LRP11: variants seen among roughly 807,000 people sequenced by gnomAD.
The protein encoded by LRP11 is LDL receptor related protein 11.
In LRP11, 25 loss-of-function variants were observed where a neutral mutation model predicts 43.1. The ratio of observed to expected loss-of-function variants is 0.58; its 90% CI spans 0.42 to 0.81. LRP11 has a LOEUF of 0.81. Ranked by LOEUF, LRP11 falls within the 30% of genes least tolerant of loss-of-function variation. The pLI is 0.00. For synonymous variants in LRP11, 316 were observed against 299.4 expected (o/e 1.06, Z -0.57); for missense variants, 623 against 665.1 (o/e 0.94, Z 0.70).
intron 2 of LRP11, among the ~76,000 whole-genome samples, chr6:149,845,308 C>G (rs1776615707): frequency 6.6e-6 from 1 of 152,196 alleles, no homozygotes; most frequent in Non-Finnish European, 1.5e-5. Context: ...CACAATGACT[C>G]TTTACAGACA....
At position 149,863,586 on chromosome 6, in the gene LRP11, C is replaced by T. The variant is rs187967019; in HGVS notation, c.435G>A (p.Val145=). ...GGGGCGCGGGGCGCCGGGGCAGCTC[C>T]ACCACGGCCACGGAGCAGCGCGGCT... ...CSEPRCSVAV[V]ELPRRPAPPA... Residue 145 remains valine (V), a synonymous_variant, in exon 1 of 7, where the codon GTG becomes GTA. Transcript: ENST00000239367. 0.038 allele frequency: 54,208 copies of T among 1,422,516 alleles called. 1,226 individuals carry two copies. Among genetic ancestry groups the T allele is most frequent in the Non-Finnish European group, 0.042 (45,440 of 1,093,198 alleles). The allele number at this position is 1,422,516 out of a possible 1,614,324, so 88.1% of individuals were successfully genotyped here.
At position 149,819,300 on chromosome 6, in the gene LRP11, C is replaced by T. The variant is rs1400799112; in HGVS notation, c.*1249G>A. 1 of 151,750 alleles carries T rather than the reference C, an allele frequency of 6.6e-6. No homozygotes were observed. Among genetic ancestry groups the T allele is most frequent in the African/African-American group, 2.4e-5 (1 of 41,284 alleles). The allele number at this position is 151,750 out of a possible 1,614,324, so 9.4% of individuals were successfully genotyped here. ...TTTTCAAATATTTTAAAATATTTGC[C>T]ACTTATGGTTAAAAAAAACGTGAAT... is the stretch of plus-strand genomic sequence containing the variant. On this transcript the variant is annotated 3_prime_UTR_variant, in exon 7 of 7. Transcript: ENST00000239367.
At chr6:149,860,987 C>T (rs749923611) in intron 1 of LRP11, among the ~76,000 whole-genome samples, 1 of 152,202 alleles carries the variant, frequency 6.6e-6, no homozygotes, top group African/African-American at 2.4e-5. Context: ...CAGCACCTAA[C>T]ACCAAAGTCA....
At chr6:149,857,606 CAAAT>C (rs538385989) in intron 1 of LRP11, among the ~76,000 whole-genome samples, 305 of 151,764 alleles carry the variant, frequency 2.0e-3, no homozygotes, top group Non-Finnish European at 3.3e-3. Flanking sequence ...GCAAAACTAA[CAAAT>C]AAGCCACAAG....
chr6:149,841,487 C>T (rs1776546482), intron 3 of LRP11, among the ~76,000 whole-genome samples: 1 of 152,182 alleles, frequency 6.6e-6, no homozygotes, highest in African/African-American at 2.4e-5. Context: ...TGTACAAGAC[C>T]TTAGCACCTC....
At chr6:149,832,180 A>G (rs974262195) in intron 5 of LRP11, among the ~76,000 whole-genome samples, 1 of 148,804 alleles carries the variant, frequency 6.7e-6, no homozygotes, top group Non-Finnish European at 1.5e-5. Flanking sequence ...CAAGTCTTCC[A>G]TGAGCTAAGT....
chr6:149,839,051 G>GT (rs1354326315), intron 3 of LRP11, among the ~76,000 whole-genome samples: 95 of 145,448 alleles, frequency 6.5e-4, no homozygotes, highest in Admixed American at 1.5e-3. Flanking sequence ...CATACACTTG[G>GT]TTTTTTTTTG....
chr6:149,851,152 T>C (rs918248662), intron 2 of LRP11, among the ~76,000 whole-genome samples: 3 of 152,228 alleles, frequency 2.0e-5, no homozygotes, highest in Non-Finnish European at 4.4e-5. Context: ...CTGCCGTCAC[T>C]GTTATACACG....
intron 5 of LRP11, among the ~76,000 whole-genome samples, 170 bp from the exon 6 acceptor site, chr6:149,826,529 T>G (rs28527452): frequency 6.6e-6 from 1 of 151,406 alleles, no homozygotes; most frequent in Non-Finnish European, 1.5e-5. Context: ...ATAACTAAGG[T>G]GACCCACTGA....
intron 1 of LRP11, among the ~76,000 whole-genome samples, chr6:149,859,397 T>TATATATATATATA (rs1491456220): frequency 2.6e-4 from 19 of 72,970 alleles, no homozygotes; most frequent in African/African-American, 1.4e-3. Context: ...TATATATATA[T>TATATATATATATA]TTTTTTTTTT....
At chr6:149,842,795 G>T in intron 3 of LRP11, 188 bp downstream of exon 3, 1 of 1,230,366 alleles carries the variant, frequency 8.1e-7, no homozygotes, top group Non-Finnish European at 1.1e-6. Context: ...CAACCCAGTA[G>T]CATCGGCTAA....
At chr6:149,859,394 A>ATTTTTTTTTTTTTTTTTT (rs1194880373) in intron 1 of LRP11, among the ~76,000 whole-genome samples, 3 of 73,874 alleles carry the variant, frequency 4.1e-5, no homozygotes, top group African/African-American at 2.7e-4. Context: ...ATATATATAT[A>ATTTTTTTTTTTTTTTTTT]TATTTTTTTT....
At chr6:149,842,379 C>T (rs1776561284) in intron 3 of LRP11, among the ~76,000 whole-genome samples, 1 of 152,054 alleles carries the variant, frequency 6.6e-6, no homozygotes, top group Non-Finnish European at 1.5e-5. Flanking sequence ...CTATCATCTC[C>T]CCTACTTGTA....
At position 149,827,495 on chromosome 6, in the gene LRP11, C is replaced by T. The variant is rs182081447; in HGVS notation, c.1253-1136G>A. Among the ~76,000 whole-genome samples, 188 of 152,266 alleles carry T rather than the reference C, an allele frequency of 1.2e-3. 8 individuals are homozygous for T. In the East Asian group the frequency reaches 0.033, roughly 27 times the overall value. On this transcript the variant is annotated intron_variant, in intron 5 of 6. Transcript: ENST00000239367. This position sits in a 1 kb window ranked among gnomAD's most constrained non-coding sequence, Gnocchi z 4.2. ...AGGTGCACTGGCTCATGCCTATAAT[C>T]CTGGCACTTTGGGGACAGTCTACTG...
chr6:149,844,905 T>A (rs868375), intron 2 of LRP11, among the ~76,000 whole-genome samples: 56,667 of 152,004 alleles, frequency 0.37, 11,560 homozygotes, highest in East Asian at 0.84. Flanking sequence ...TTAGCTAAGG[T>A]ATGGATTTCC....
At chr6:149,860,771 T>A (rs1776880255) in intron 1 of LRP11, among the ~76,000 whole-genome samples, 1 of 152,170 alleles carries the variant, frequency 6.6e-6, no homozygotes, top group African/African-American at 2.4e-5. Flanking sequence ...ACCCTCGCAG[T>A]CCCAGCCTAG....
At chr6:149,840,577 A>G (rs1035619808) in intron 3 of LRP11, among the ~76,000 whole-genome samples, 2 of 152,212 alleles carry the variant, frequency 1.3e-5, no homozygotes, top group African/African-American at 2.4e-5. Flanking sequence ...CCATCTGCTC[A>G]TATCAGTGCA....
chr6:149,861,731 G>A (rs1278150516), intron 1 of LRP11, among the ~76,000 whole-genome samples: 3 of 152,102 alleles, frequency 2.0e-5, no homozygotes, highest in Non-Finnish European at 4.4e-5. Context: ...ATGTTGGCCA[G>A]GCTGGTCTCT....
intron 1 of LRP11, 177 bp from the exon 2 acceptor site, chr6:149,853,337 G>A (rs9478983): frequency 0.049 from 27,901 of 569,562 alleles, 3,586 homozygotes; most frequent in African/African-American, 0.35. Flanking sequence ...TATAATATGC[G>A]CAGAAGAGGC....
Sources: allele counts gnomAD v4.1 joint callset (sites outside exome capture counted in the v4.1 genomes callset), GRCh38; gene constraint gnomAD v4.1.1; non-coding constraint Gnocchi (gnomAD v3.1); transcripts MANE v1.5; gene names NCBI Gene and HGNC (gene_info 2026-07-23, HGNC 2026-07-21).